The following NFATC1 variants were observed in gnomAD, a reference collection of about 807,000 sequenced individuals.
The protein encoded by NFATC1 is nuclear factor of activated T-cells, cytoplasmic 1.
NFATC1 carries 22 observed loss-of-function variants against 76.0 expected under a neutral mutation model. The ratio of observed to expected loss-of-function variants is 0.29; its 90% confidence interval spans 0.21 to 0.41. The LOEUF (loss-of-function observed/expected upper bound fraction) is 0.41, where lower values mean the gene tolerates loss of function less well. NFATC1 is among the 10% of genes least tolerant of loss of function. The pLI, the probability that NFATC1 is intolerant of heterozygous loss-of-function variation, is 1.00. For missense variants in NFATC1, 1,357 were observed against 1,337.7 expected, an observed-to-expected ratio of 1.01 and a Z score of -0.23; for synonymous variants, 704 against 613.1, an observed-to-expected ratio of 1.15 and a Z score of -2.19.
At chr18:79,486,226 A>T (rs774886691) in intron 8 of NFATC1, 22 bp from the exon 9 acceptor site, 74 of 1,517,160 alleles carry the variant, frequency 4.9e-5, no homozygotes, top group Non-Finnish European at 6.3e-5. Flanking sequence ...TGTTTATTTA[A>T]TTTTTTTTTT....
intron 7 of NFATC1, among the ~76,000 whole-genome samples, chr18:79,464,710 A>T (rs8086230): frequency 0.5 from 45,370 of 89,884 alleles, 12,288 homozygotes; most frequent in African/African-American, 0.62. Flanking sequence ...TTATTTATTT[A>T]TTTTTTTTTT....
Position 79,450,992 on chromosome 18 carries a change from A to C in NFATC1, c.1628A>C (p.Asp543Ala). The C allele has an allele frequency of 6.2e-7, 1 of 1,613,876 alleles. No homozygotes were observed. The change falls in exon 5 of 10, where the codon GAC becomes GCC. Residue 543 changes from aspartate (D) to alanine (A), a missense_variant. Transcript: ENST00000427363. ...GGAATCCTGAAACTCAGAAACTCCG[A>C]CATTGAACTTCGGAAAGGAGAGACG... ...CAGILKLRNSDIELRKGETDI... is the reference protein window; with the variant it reads ...CAGILKLRNSAIELRKGETDI...
intron 8 of NFATC1, among the ~76,000 whole-genome samples, chr18:79,483,606 G>C (rs183268324): frequency 7.4e-6 from 1 of 135,862 alleles, no homozygotes; most frequent in Non-Finnish European, 1.6e-5. Context: ...TCACTCCGGC[G>C]TGACCTCGTT....
rs199824263 is a variant in NFATC1, at chr18:79,486,956, G to T, written c.2782+19G>T. 1 of 1,571,204 alleles carries T rather than the reference G, an allele frequency of 6.4e-7. No individual in the cohort carries two copies. The highest frequency in any genetic ancestry group is 8.7e-7 in the Non-Finnish European group (1 of 1,155,486). On this transcript the variant is annotated intron_variant, in intron 9 of 9. Coordinates refer to ENST00000427363, the MANE Select transcript of NFATC1 (RefSeq NM_001278669.2). The stretch of plus-strand genomic sequence containing the variant: ...GATGACGGTGAGTGCCCGCAGCCAT[G>T]CAGGTGTGTGCCCCGCCTGGCGCCA...
In NFATC1 at chr18:79,396,167, G is replaced by A. The variant is rs2084995479; in HGVS notation, c.-58G>A. 32 of 1,392,198 alleles carry A rather than the reference G, an allele frequency of 2.3e-5. No homozygotes were observed. Among genetic ancestry groups the A allele is most frequent in the Middle Eastern group, 2.7e-4 (1 of 3,686 alleles). 86.2% of individuals were successfully genotyped at this position (1,392,198 alleles called of 1,614,324 possible). A position where few individuals can be genotyped will look rare whatever the true frequency, so the allele number is the denominator to read the frequency against. On this transcript the variant is annotated 5_prime_UTR_variant, in exon 1 of 10. Coordinates refer to ENST00000427363, the MANE Select transcript of NFATC1 (RefSeq NM_001278669.2). Reference sequence around the variant, plus strand: ...CGGAGACCCGACCCCGGCAGCGCGGGGCGGCCGCTTCTCCTGTGCCTCCGC... The same window carrying A: ...CGGAGACCCGACCCCGGCAGCGCGGAGCGGCCGCTTCTCCTGTGCCTCCGC...
At chr18:79,521,482 G>T (rs1310154521) in intron 9 of NFATC1, among the ~76,000 whole-genome samples, 4 of 88,276 alleles carry the variant, frequency 4.5e-5, no homozygotes, top group African/African-American at 8.8e-5. Flanking sequence ...TGTGTGTGTG[G>T]GGGGCATCCA....
At chr18:79,433,096 A>C (rs1404879753) in intron 2 of NFATC1, among the ~76,000 whole-genome samples, 1 of 152,178 alleles carries the variant, frequency 6.6e-6, no homozygotes, top group East Asian at 1.9e-4. Flanking sequence ...TGCAGCAATC[A>C]TGGAATTTGG....
chr18:79,426,442 TC>T lies in NFATC1; in HGVS notation c.1227-7135del, dbSNP rs983566984. On this transcript the variant is annotated intron_variant, in intron 2 of 9. Coordinates refer to ENST00000427363, the MANE Select transcript of NFATC1 (RefSeq NM_001278669.2). ...CCTCCATGCCACGTCCCATGCCGCT[TC>T]CACCGCAGCGTGAGGACAGCAGGAC... Among the ~76,000 whole-genome samples, 193 of 152,182 alleles carry T rather than the reference TC, an allele frequency of 1.3e-3. 3 individuals are homozygous for T. The East Asian group carries it at 0.018, about 14-fold the overall frequency.
chr18:79,402,203 C>T (rs567549226), intron 1 of NFATC1, among the ~76,000 whole-genome samples: 2 of 152,368 alleles, frequency 1.3e-5, no homozygotes, highest in Non-Finnish European at 1.5e-5. Flanking sequence ...TAACTCCAGG[C>T]TTATCCGGGA....
At chr18:79,446,402 G>A (rs975356058) in intron 3 of NFATC1, among the ~76,000 whole-genome samples, 3 of 149,014 alleles carry the variant, frequency 2.0e-5, no homozygotes, top group African/African-American at 2.5e-5. Context: ...CCCACCCCCC[G>A]AGGTGGTTTT....
chr18:79,494,587 G>A lies in NFATC1; in HGVS notation c.2782+7650G>A, dbSNP rs867240372. Among the ~76,000 whole-genome samples, 471 of 76,012 alleles carry A rather than the reference G, an allele frequency of 6.2e-3. 4 individuals are homozygous for A. The highest frequency in any genetic ancestry group is 0.029 in the African/African-American group (447 of 15,578). 49.9% of individuals were successfully genotyped at this position (76,012 alleles called of 152,430 possible). ...GGTACCGCCGGGGGAAGGCGAGAGC[G>A]GGCACACGCCCCCCATCGACCTGGT... On this transcript the variant is annotated intron_variant, in intron 9 of 9. Coordinates refer to ENST00000427363, the MANE Select transcript of NFATC1 (RefSeq NM_001278669.2).
chr18:79,451,611 C>T, intron 5 of NFATC1, 65 bp from the exon 6 acceptor site: 1 of 1,433,348 alleles, frequency 7.0e-7, no homozygotes, highest in Non-Finnish European at 9.2e-7. Context: ...CTGCTGGGTG[C>T]CACACGTGTG....
At chr18:79,488,464 G>A (rs750843968) in intron 9 of NFATC1, among the ~76,000 whole-genome samples, 23 of 151,196 alleles carry the variant, frequency 1.5e-4, no homozygotes, top group Non-Finnish European at 3.0e-4. Context: ...CTGGAGGCCC[G>A]TGGCTGCCCC....
At chr18:79,442,567 G>A (rs1600724058) in intron 3 of NFATC1, among the ~76,000 whole-genome samples, 1 of 152,238 alleles carries the variant, frequency 6.6e-6, no homozygotes, top group Admixed American at 6.5e-5. Context: ...GCCGGGGTCC[G>A]GGAAACAGGC....
At chr18:79,408,747 C>T (rs2085527062) in intron 1 of NFATC1, among the ~76,000 whole-genome samples, 1 of 152,150 alleles carries the variant, frequency 6.6e-6, no homozygotes, top group South Asian at 2.1e-4. Context: ...CATCATCAAA[C>T]CATTACTCCT....
intron 9 of NFATC1, among the ~76,000 whole-genome samples, chr18:79,517,524 C>T (rs112740758): frequency 3.8e-4 from 58 of 152,254 alleles, no homozygotes; most frequent in African/African-American, 1.3e-3. Flanking sequence ...CGGATGGGGA[C>T]GCTGCGACAG....
chr18:79,507,186 C>T (rs1337493707), intron 9 of NFATC1, among the ~76,000 whole-genome samples: 1 of 152,256 alleles, frequency 6.6e-6, no homozygotes, highest in East Asian at 1.9e-4. Context: ...CCCAGACAGG[C>T]CCTATCAGGC....
chr18:79,411,162 C>T lies in NFATC1; in HGVS notation c.887C>T (p.Thr296Ile). The change falls in exon 2 of 10, where the codon ACC becomes ATC. Residue 296 changes from threonine to isoleucine, a missense_variant. Around this residue, in one of 3 missense-constraint regions of NFATC1, gnomAD observed 691 missense variants for 613.1 expected, o/e 1.13. Coordinates refer to ENST00000427363, the MANE Select transcript of NFATC1 (RefSeq NM_001278669.2). ...CACGGCTCCCCGCGGGTCAGCGTGA[C>T]CGACGACTCGTGGTTGGGCAACACC... ...SPHGSPRVSV[T>I]DDSWLGNTTQ... is the part of the protein sequence containing the mutation. 6.2e-7 allele frequency: 1 copy of T among 1,612,368 alleles called. No individual in the cohort carries two copies. The highest frequency in any genetic ancestry group is 8.5e-7 in the Non-Finnish European group (1 of 1,179,870).
intron 8 of NFATC1, among the ~76,000 whole-genome samples, chr18:79,473,261 C>G (rs923530946): frequency 1.3e-5 from 2 of 152,268 alleles, no homozygotes; most frequent in Non-Finnish European, 2.9e-5. Flanking sequence ...GGCCCCTCAT[C>G]CCTGTTCTAC....
Sources: allele counts gnomAD v4.1 joint callset (sites outside exome capture counted in the v4.1 genomes callset), GRCh38; gene constraint gnomAD v4.1.1; regional missense constraint gnomAD v4.1.1; transcripts MANE v1.5; gene names NCBI Gene and HGNC (gene_info 2026-07-23, HGNC 2026-07-21).